Variants in AKAP10 observed in about 807,000 individuals in gnomAD.
AKAP10 encodes the protein A-kinase anchoring protein 10.
Under a neutral mutation model 80.8 loss-of-function variants are expected in AKAP10, and 24 were observed. The observed-to-expected ratio is 0.30, with a 90% CI of 0.22 to 0.42. The LOEUF is 0.42. Ranked by LOEUF, AKAP10 falls within the 10% of genes least tolerant of loss-of-function variation. The pLI, the probability that AKAP10 is intolerant of heterozygous loss-of-function variation, is 1.00. For missense variants in AKAP10, 661 were observed against 794.9 expected (o/e 0.83, Z 2.03); for synonymous variants, 291 against 277.7 (o/e 1.05, Z -0.48).
At chr17:19,971,747 G>A (rs2043500669) in intron 1 of AKAP10, among the ~76,000 whole-genome samples, 1 of 152,066 alleles carries the variant, frequency 6.6e-6, no homozygotes, top group Admixed American at 6.6e-5. Context: ...TCTAGTACAC[G>A]TCTTCCTATG....
intron 11 of AKAP10, among the ~76,000 whole-genome samples, chr17:19,922,498 G>C (rs1273277988): frequency 1.3e-5 from 2 of 152,024 alleles, no homozygotes; most frequent in African/African-American, 4.8e-5. Flanking sequence ...CGCCTGCCGA[G>C]GCCTCCCAAA....
At chr17:19,907,996 C>T (rs925817386) in intron 14 of AKAP10, among the ~76,000 whole-genome samples, 8 of 151,482 alleles carry the variant, frequency 5.3e-5, no homozygotes, top group South Asian at 2.1e-4. Flanking sequence ...CCCAAGTAGC[C>T]GGGATCACAG....
Position 19,958,331 on chromosome 17 carries a change from G to A in AKAP10, c.560C>T (p.Ser187Phe), listed in dbSNP as rs140180089. The A allele has an allele frequency of 1.7e-5, 28 of 1,614,110 alleles. No homozygotes were observed. The highest frequency in any genetic ancestry group is 1.7e-4 in the Admixed American group (10 of 60,002). The change falls in exon 4 of 15, where the codon TCT becomes TTT. Residue 187 changes from serine to phenylalanine, a missense_variant. Coordinates refer to ENST00000225737, the MANE Select transcript of AKAP10 (RefSeq NM_007202.4). ...TGTAGTTTCATGCTTTTTAGATGGA[G>A]AGACAGGCTCAGCCAGTGAGCTCTG... is the stretch of plus-strand genomic sequence containing the variant. ...VKQSSLAEPV[S>F]PSKKHETTAS...
intron 4 of AKAP10, among the ~76,000 whole-genome samples, chr17:19,948,719 C>T (rs1293397565): frequency 6.6e-6 from 1 of 152,046 alleles, no homozygotes; most frequent in Non-Finnish European, 1.5e-5. Context: ...CCCATGAAAA[C>T]GTCGAGTTGT....
chr17:19,939,279 A>G (rs1280133018), intron 8 of AKAP10, among the ~76,000 whole-genome samples: 3 of 152,154 alleles, frequency 2.0e-5, no homozygotes, highest in Admixed American at 6.5e-5. Flanking sequence ...ATCTATTCCA[A>G]TTAGTACCAG....
intron 10 of AKAP10, among the ~76,000 whole-genome samples, chr17:19,929,143 A>G (rs1300121495): frequency 6.6e-6 from 1 of 152,222 alleles, no homozygotes; most frequent in Admixed American, 6.5e-5. Context: ...TGAAATGTCC[A>G]GAATAAGCAA....
intron 3 of AKAP10, among the ~76,000 whole-genome samples, chr17:19,958,842 C>CTTTT (rs772496178): frequency 9.7e-5 from 9 of 92,930 alleles, no homozygotes; most frequent in South Asian, 3.9e-4. Flanking sequence ...CATGTAAATT[C>CTTTT]TTTTTTTTTT....
At chr17:19,923,099 A>G (rs1342799738) in intron 11 of AKAP10, among the ~76,000 whole-genome samples, 2 of 152,064 alleles carry the variant, frequency 1.3e-5, no homozygotes, top group Non-Finnish European at 2.9e-5. Context: ...ATTTTTTGAG[A>G]CAGAGTCTTA....
intron 14 of AKAP10, among the ~76,000 whole-genome samples, chr17:19,906,815 G>C (rs916670522): frequency 6.6e-6 from 1 of 152,158 alleles, no homozygotes; most frequent in Admixed American, 6.5e-5. Flanking sequence ...AAGAGAATGA[G>C]TATTCCTTCG....
chr17:19,951,420 G>T (rs1021289427), intron 4 of AKAP10, among the ~76,000 whole-genome samples: 22 of 152,252 alleles, frequency 1.4e-4, no homozygotes, highest in Admixed American at 6.5e-5. Context: ...TTGAGAACGG[G>T]CCATGATGAC....
chr17:19,941,751 G>C, intron 6 of AKAP10, 75 bp downstream of exon 6: 1 of 1,078,186 alleles, frequency 9.3e-7, no homozygotes, highest in Non-Finnish European at 1.3e-6. Flanking sequence ...TTTGTTTTTA[G>C]CTGAGTGAAG....
At chr17:19,947,838 C>A (rs950927987) in intron 4 of AKAP10, among the ~76,000 whole-genome samples, 2 of 152,000 alleles carry the variant, frequency 1.3e-5, no homozygotes, top group Non-Finnish European at 2.9e-5. Context: ...GAAGACAGCC[C>A]CTATTGGAGC....
At chr17:19,968,998 C>T (rs921790180) in intron 1 of AKAP10, among the ~76,000 whole-genome samples, 8 of 152,106 alleles carry the variant, frequency 5.3e-5, no homozygotes, top group African/African-American at 1.9e-4. Context: ...ATTACTTATT[C>T]CTCCCATAGC....
At chr17:19,972,754 G>C (rs750185809) in intron 1 of AKAP10, among the ~76,000 whole-genome samples, 1 of 152,086 alleles carries the variant, frequency 6.6e-6, no homozygotes, top group Non-Finnish European at 1.5e-5. Flanking sequence ...CGCGCTTGGC[G>C]AAAGTTTTAA....
chr17:19,928,649 G>A (rs1026718192), intron 10 of AKAP10, among the ~76,000 whole-genome samples: 3 of 152,276 alleles, frequency 2.0e-5, no homozygotes, highest in South Asian at 4.1e-4. Flanking sequence ...GGCCGAGATG[G>A]GTGGATCACT....
chr17:19,954,665 T>TG (rs2043253443), intron 4 of AKAP10, among the ~76,000 whole-genome samples: 1 of 151,110 alleles, frequency 6.6e-6, no homozygotes, highest in Non-Finnish European at 1.5e-5. Context: ...TTTTTTTTTT[T>TG]TGTATTTTTA....
intron 1 of AKAP10, among the ~76,000 whole-genome samples, chr17:19,976,927 A>G (rs1362886853): frequency 6.6e-6 from 1 of 152,228 alleles, no homozygotes; most frequent in East Asian, 1.9e-4. Flanking sequence ...AAGTGCAACA[A>G]CGTTACCCAG....
chr17:19,933,094 C>A (rs1187250180), intron 9 of AKAP10, among the ~76,000 whole-genome samples: 1 of 152,190 alleles, frequency 6.6e-6, no homozygotes, highest in Non-Finnish European at 1.5e-5. Context: ...TCTCGACTCA[C>A]TGGAACCTCT....
intron 12 of AKAP10, among the ~76,000 whole-genome samples, chr17:19,911,581 G>A (rs564597413): frequency 8.2e-4 from 125 of 152,124 alleles, no homozygotes; most frequent in African/African-American, 3.0e-3. Context: ...GCTCACGCCT[G>A]TAATTTCAGA....
Sources: allele counts gnomAD v4.1 joint callset (sites outside exome capture counted in the v4.1 genomes callset), GRCh38; gene constraint gnomAD v4.1.1; transcripts MANE v1.5; gene names NCBI Gene and HGNC (gene_info 2026-07-23, HGNC 2026-07-21).